Variants in GABRB2 observed in about 807,000 individuals in gnomAD.
The protein encoded by GABRB2 is gamma-aminobutyric acid type A receptor subunit beta2.
A neutral mutation model predicts 54.7 loss-of-function variants in GABRB2; 16 were observed. The observed-to-expected ratio is 0.29, with a 90% CI of 0.20 to 0.44. The LOEUF is 0.44. Ranked by LOEUF, GABRB2 falls within the 20% of genes least tolerant of loss-of-function variation. GABRB2 has a pLI of 1.00. For synonymous variants in GABRB2, 244 were observed against 233.8 expected (o/e 1.04, Z -0.40); for missense variants, 355 against 644.0 (o/e 0.55, Z 4.86).
At chr5:161,463,548 T>TA (rs1758179744) in intron 3 of GABRB2, among the ~76,000 whole-genome samples, 2 of 33,070 alleles carry the variant, frequency 6.0e-5, no homozygotes, top group Admixed American at 3.7e-4. Flanking sequence ...ATTCCAAATA[T>TA]TTTTATTTAT....
intron 4 of GABRB2, among the ~76,000 whole-genome samples, chr5:161,441,756 G>C (rs1384877731): frequency 6.6e-6 from 1 of 152,104 alleles, no homozygotes; most frequent in Non-Finnish European, 1.5e-5. Flanking sequence ...ATAAACAATA[G>C]AGTCCTATTC....
chr5:161,394,266 G>T (rs930347501), intron 5 of GABRB2, among the ~76,000 whole-genome samples: 2 of 152,006 alleles, frequency 1.3e-5, no homozygotes, highest in South Asian at 4.1e-4. Context: ...ATTCAAGCAA[G>T]ATTTCAAATC....
intron 4 of GABRB2, among the ~76,000 whole-genome samples, chr5:161,443,853 G>A (rs1757534199): frequency 6.6e-6 from 1 of 152,118 alleles, no homozygotes; most frequent in African/African-American, 2.4e-5. Flanking sequence ...GTAATTTAGG[G>A]AGGCTCCATA....
chr5:161,425,577 G>A (rs1333191005), intron 4 of GABRB2, among the ~76,000 whole-genome samples: 1 of 152,038 alleles, frequency 6.6e-6, no homozygotes, highest in Non-Finnish European at 1.5e-5. Flanking sequence ...CTACAGTATA[G>A]TGTAAGCATA....
At chr5:161,431,933 C>A (rs961895095) in intron 4 of GABRB2, among the ~76,000 whole-genome samples, 13 of 152,102 alleles carry the variant, frequency 8.5e-5, no homozygotes, top group African/African-American at 3.1e-4. Flanking sequence ...ATAAAACTTT[C>A]CAGAATACTT....
At chr5:161,409,131 G>C (rs969790450) in intron 5 of GABRB2, among the ~76,000 whole-genome samples, 1 of 151,942 alleles carries the variant, frequency 6.6e-6, no homozygotes, top group South Asian at 2.1e-4. Flanking sequence ...TTAGAATAAG[G>C]GTCTGTTAAT....
intron 9 of GABRB2, among the ~76,000 whole-genome samples, chr5:161,312,019 TG>T (rs1355506272): frequency 4.8e-5 from 3 of 62,138 alleles, no homozygotes; most frequent in African/African-American, 2.8e-4. Context: ...AGTAATGTTT[TG>T]TGTGTGTGTG....
chr5:161,542,544 T>A (rs1760853780), intron 3 of GABRB2, among the ~76,000 whole-genome samples: 2 of 152,168 alleles, frequency 1.3e-5, no homozygotes, highest in South Asian at 4.1e-4. Flanking sequence ...AGAACTCGCA[T>A]CTGAGACTCC....
chr5:161,427,691 T>G (rs1757043190), intron 4 of GABRB2, among the ~76,000 whole-genome samples: 1 of 151,982 alleles, frequency 6.6e-6, no homozygotes, highest in African/African-American at 2.4e-5. Context: ...AACTAAAGAG[T>G]GCTAATACAG....
chr5:161,518,833 A>G (rs1240182779), intron 3 of GABRB2, among the ~76,000 whole-genome samples: 1 of 152,242 alleles, frequency 6.6e-6, no homozygotes, highest in Non-Finnish European at 1.5e-5. Flanking sequence ...CAATTTATAA[A>G]TTAATATCAG....
chr5:161,387,766 G>GT (rs1755691122), intron 5 of GABRB2, among the ~76,000 whole-genome samples: 1 of 152,084 alleles, frequency 6.6e-6, no homozygotes. Context: ...CAAATGCAGT[G>GT]TTATATTTAA....
rs1389302438 is a variant in GABRB2, at chr5:161,321,749, C to T, written c.1191+4619G>A. ...GTATACTGAAACCTAACTTTTTTTTCTCCCTTGTAGGTCATTCACTTTTTC... is the reference window on the plus strand; with the variant it reads ...GTATACTGAAACCTAACTTTTTTTTTTCCCTTGTAGGTCATTCACTTTTTC... On this transcript the variant is annotated intron_variant, in intron 9 of 9. Coordinates refer to ENST00000393959, the MANE Select transcript of GABRB2 (RefSeq NM_001371727.1). 4.6e-5 allele frequency among the ~76,000 whole-genome samples: 7 copies of T among 151,916 alleles called. No homozygotes were observed. The East Asian group carries it at 1.4e-3, about 29-fold the overall frequency.
At chr5:161,413,271 T>C (rs1003291016) in intron 4 of GABRB2, among the ~76,000 whole-genome samples, 5 of 152,112 alleles carry the variant, frequency 3.3e-5, no homozygotes, top group African/African-American at 1.2e-4. Flanking sequence ...ATTATTTCTC[T>C]TTTTTTAATT....
At chr5:161,321,658 A>G (rs1220307909) in intron 9 of GABRB2, among the ~76,000 whole-genome samples, 1 of 152,162 alleles carries the variant, frequency 6.6e-6, no homozygotes, top group East Asian at 1.9e-4. Context: ...CTTAGGTTAT[A>G]CTTTCTCCCT....
chr5:161,534,266 C>T (rs1285291500), intron 3 of GABRB2, among the ~76,000 whole-genome samples: 1 of 152,138 alleles, frequency 6.6e-6, no homozygotes, highest in Non-Finnish European at 1.5e-5. Flanking sequence ...TTCAGTTAAA[C>T]ATCTTACAAT....
chr5:161,485,883 T>C (rs1272910196), intron 3 of GABRB2, among the ~76,000 whole-genome samples: 1 of 151,790 alleles, frequency 6.6e-6, no homozygotes, highest in African/African-American at 2.4e-5. Flanking sequence ...TTGCAGTGGG[T>C]GTGGGGGTGC....
intron 3 of GABRB2, among the ~76,000 whole-genome samples, chr5:161,476,520 C>T (rs1296039294): frequency 6.6e-6 from 1 of 151,868 alleles, no homozygotes; most frequent in Non-Finnish European, 1.5e-5. Flanking sequence ...TTGGAAGTCT[C>T]ACCCCTCCTG....
intron 3 of GABRB2, among the ~76,000 whole-genome samples, chr5:161,479,496 TCAC>T (rs1758690519): frequency 6.6e-6 from 1 of 151,686 alleles, no homozygotes; most frequent in Non-Finnish European, 1.5e-5. Context: ...TGACATAAAA[TCAC>T]CAAAAATTTG....
In GABRB2 at chr5:161,365,223, A is replaced by C. The variant is rs1237865118; in HGVS notation, c.542-28454T>G. ...CATACATTCCACTTGTGCAGAAAAG[A>C]AAACAAGGTGTCAATGTCAATAAAT... is the stretch of plus-strand genomic sequence containing the variant. On this transcript the variant is annotated intron_variant, in intron 5 of 9. Transcript: ENST00000393959. Among the ~76,000 whole-genome samples the C allele has an allele frequency of 2.0e-5, 3 of 152,204 alleles. No homozygotes were observed. In the East Asian group the frequency reaches 5.8e-4, roughly 29 times the overall value.
Sources: gnomAD v4.1 joint callset for allele counts (sites outside exome capture counted in the v4.1 genomes callset) on GRCh38, gnomAD v4.1.1 for gene constraint, MANE v1.5 for transcripts, NCBI Gene and HGNC (gene_info 2026-07-23, HGNC 2026-07-21) for gene names.